PRKAR1A: variants seen among roughly 807,000 people sequenced by gnomAD.
PRKAR1A encodes the protein cAMP-dependent protein kinase type I-alpha regulatory subunit.
A neutral mutation model predicts 52.0 loss-of-function variants in PRKAR1A; 3 were observed. The observed-to-expected ratio is 0.06, with a 90% CI of 0.03 to 0.15. The LOEUF (loss-of-function observed/expected upper bound fraction) is 0.15. Among genes scored for constraint, PRKAR1A ranks in the 10% least tolerant of loss-of-function variants. PRKAR1A has a pLI of 1.00. For missense variants in PRKAR1A, 240 were observed against 477.4 expected (o/e 0.50, Z 4.63); for synonymous variants, 188 against 168.4 (o/e 1.12, Z -0.90).
the PRKAR1A span, among the ~76,000 whole-genome samples, chr17:68,492,920 C>A: frequency 6.6e-6 from 1 of 152,134 alleles, no homozygotes; most frequent in Admixed American, 6.5e-5. Context: ...CATTGATGGA[C>A]ATTTAGGTTG....
At chr17:68,420,805 T>C in the PRKAR1A span, 2 of 286,464 alleles carry the variant, frequency 7.0e-6, no homozygotes, top group Non-Finnish European at 1.3e-5. Context: ...TGAAAATGCC[T>C]GGCAAATTAC....
chr17:68,433,984 T>C, the PRKAR1A span, among the ~76,000 whole-genome samples: 1 of 151,952 alleles, frequency 6.6e-6, no homozygotes, highest in African/African-American at 2.4e-5. Flanking sequence ...TGTTTCACCA[T>C]GTTGGCCAGG....
the PRKAR1A span, among the ~76,000 whole-genome samples, chr17:68,466,409 C>CTTTTTT: frequency 3.4e-5 from 4 of 118,358 alleles, no homozygotes; most frequent in Non-Finnish European, 5.0e-5. Flanking sequence ...TTTTCTCTCT[C>CTTTTTT]TTTTTTTTTT....
chr17:68,488,618 C>G, the PRKAR1A span, among the ~76,000 whole-genome samples: 1 of 151,390 alleles, frequency 6.6e-6, no homozygotes, highest in African/African-American at 2.4e-5. Context: ...GTAATCCCAG[C>G]TACTTGGGAG....
the PRKAR1A span, among the ~76,000 whole-genome samples, chr17:68,445,121 T>C: frequency 1.3e-5 from 2 of 152,136 alleles, no homozygotes; most frequent in Non-Finnish European, 2.9e-5. Context: ...GGTTTCACCA[T>C]GTTGATCAGG....
chr17:68,495,366 G>GTCTTTA, the PRKAR1A span, among the ~76,000 whole-genome samples: 1 of 152,214 alleles, frequency 6.6e-6, no homozygotes. Context: ...ACCAACTATA[G>GTCTTTA]TCTTTACCTT....
chr17:68,541,135 T>A, intron 11 of PRKAR1A: 1 of 852,560 alleles, frequency 1.2e-6, no homozygotes, highest in Non-Finnish European at 1.8e-6. Context: ...GCATATTCCG[T>A]GTGGTGAGAA....
the PRKAR1A span, among the ~76,000 whole-genome samples, chr17:68,443,062 C>T: frequency 6.6e-6 from 1 of 152,208 alleles, no homozygotes; most frequent in African/African-American, 2.4e-5. Flanking sequence ...TCACAGAACT[C>T]CCTAACAGCC....
the PRKAR1A span, chr17:68,428,762 T>C: frequency 7.9e-7 from 1 of 1,273,650 alleles, no homozygotes; most frequent in Non-Finnish European, 1.1e-6. Flanking sequence ...CTTGTCGTTC[T>C]TGGCGAAGGG....
the PRKAR1A span, chr17:68,422,152 G>A: frequency 1.6e-5 from 4 of 244,286 alleles, no homozygotes; most frequent in Admixed American, 1.9e-4. Context: ...TTTAGGCTGG[G>A]CGCGGTGGCT....
the PRKAR1A span, among the ~76,000 whole-genome samples, chr17:68,477,320 C>T: frequency 1.3e-5 from 2 of 152,132 alleles, no homozygotes; most frequent in Non-Finnish European, 2.9e-5. Context: ...ACATTTTCTG[C>T]CATTAATTCA....
At chr17:68,523,431 G>A (rs1479063179) in intron 3 of PRKAR1A, among the ~76,000 whole-genome samples, 1 of 152,122 alleles carries the variant, frequency 6.6e-6, no homozygotes, top group Admixed American at 6.5e-5. Flanking sequence ...ACTTAGTTTT[G>A]CCTCAGAATA....
chr17:68,424,842 A>G, the PRKAR1A span, among the ~76,000 whole-genome samples: 11 of 152,200 alleles, frequency 7.2e-5, no homozygotes, highest in Non-Finnish European at 1.2e-4. Flanking sequence ...ACACCACTGC[A>G]CTCCAGCCTG....
At chr17:68,482,232 C>T in the PRKAR1A span, among the ~76,000 whole-genome samples, 29 of 152,182 alleles carry the variant, frequency 1.9e-4, no homozygotes, top group Non-Finnish European at 4.3e-4. Context: ...AAACTTATGT[C>T]GTCTTTATTG....
At chr17:68,545,898 G>A (rs138763554) in intron 11 of PRKAR1A, among the ~76,000 whole-genome samples, 76 of 152,238 alleles carry the variant, frequency 5.0e-4, no homozygotes, top group African/African-American at 1.8e-3. Flanking sequence ...GGTCGGGTGC[G>A]GTGGCTCATG....
At chr17:68,448,764 G>A in the PRKAR1A span, among the ~76,000 whole-genome samples, 3 of 152,162 alleles carry the variant, frequency 2.0e-5, no homozygotes, top group African/African-American at 2.4e-5. Context: ...CTATATGCAA[G>A]GATAAAAAGT....
At chr17:68,536,152 C>G (rs1268686525), downstream of PRKAR1A, 2 of 453,986 alleles carry the variant, frequency 4.4e-6, no homozygotes, top group Admixed American at 4.7e-5. Context: ...TTTGTCCAGT[C>G]GAGGCTATCT....
At chr17:68,468,009 C>T in the PRKAR1A span, among the ~76,000 whole-genome samples, 1 of 152,162 alleles carries the variant, frequency 6.6e-6, no homozygotes, top group Admixed American at 6.5e-5. Flanking sequence ...ACCCTCCCAC[C>T]TCAGCCTCCA....
In PRKAR1A at chr17:68,530,668, CTT is replaced by C; in HGVS notation, c.*221_*222del. 6.9e-7 allele frequency: 1 copy of C among 1,443,134 alleles called. No individual in the cohort carries two copies. The allele number at this position is 1,443,134 out of a possible 1,614,324, so 89.4% of individuals were successfully genotyped here. ...ATAAATAGAAAGAGTTCTATGGAGA[CTT>C]TGCTGTTACTGCTTCTCTTTGTGCA... On this transcript the variant is annotated 3_prime_UTR_variant, in exon 11 of 11. Transcript: ENST00000589228.
Sources: allele counts gnomAD v4.1 joint callset (sites outside exome capture counted in the v4.1 genomes callset), GRCh38; gene constraint gnomAD v4.1.1; transcripts MANE v1.5; gene names NCBI Gene and HGNC (gene_info 2026-07-23, HGNC 2026-07-21).